Variants in ECM2 observed in about 807,000 individuals in gnomAD.
The protein encoded by ECM2 is extracellular matrix protein 2.
A neutral mutation model predicts 67.5 loss-of-function variants in ECM2; 57 were observed. The observed-to-expected ratio is 0.84, with a 90% CI of 0.68 to 1.05. ECM2 has a LOEUF of 1.05. Ranked by LOEUF, ECM2 falls within the 50% of genes least tolerant of loss-of-function variation. ECM2 has a pLI of 0.00. For missense variants in ECM2, 741 were observed against 822.8 expected, an observed-to-expected ratio of 0.90 and a Z score of 1.22; for synonymous variants, 258 against 294.5, an observed-to-expected ratio of 0.88 and a Z score of 1.27.
chr9:92,505,511 C>T, intron 7 of ECM2, 22 bp downstream of exon 7: 1 of 1,561,046 alleles, frequency 6.4e-7, no homozygotes, highest in East Asian at 2.3e-5. Flanking sequence ...ACATTTAAAA[C>T]ACTAAAAAAA....
At chr9:92,546,487 C>T in the ECM2 span, among the ~76,000 whole-genome samples, 1 of 152,298 alleles carries the variant, frequency 6.6e-6, no homozygotes, top group South Asian at 2.1e-4. Flanking sequence ...CACGAACCCA[C>T]TGGGAGAAAA....
chr9:92,517,422 A>G, intron 3 of ECM2: 1 of 588,858 alleles, frequency 1.7e-6, no homozygotes, highest in Non-Finnish European at 3.0e-6. Context: ...CCATATCTCT[A>G]AAGCTGAGAG....
At chr9:92,526,070 G>A (rs4744137) in intron 1 of ECM2, among the ~76,000 whole-genome samples, 57,627 of 151,850 alleles carry the variant, frequency 0.38, 13,653 homozygotes, top group African/African-American at 0.67. Context: ...AGCCTGAGGT[G>A]GTTCCTTCAG....
At chr9:92,533,438 G>A (rs564853260) in intron 1 of ECM2, among the ~76,000 whole-genome samples, 3 of 139,862 alleles carry the variant, frequency 2.1e-5, no homozygotes, top group Non-Finnish European at 4.5e-5. Flanking sequence ...GTTTCTCTCT[G>A]TCCTCCTGAG....
At chr9:92,549,654 A>C in the ECM2 span, among the ~76,000 whole-genome samples, 5,005 of 143,306 alleles carry the variant, frequency 0.035, 140 homozygotes, top group Non-Finnish European at 0.042. Context: ...CTCAAAAAAA[A>C]AAAACAAAAC....
the ECM2 span, among the ~76,000 whole-genome samples, chr9:92,546,385 G>C: frequency 1.3e-5 from 2 of 152,116 alleles, no homozygotes; most frequent in Admixed American, 6.6e-5. Context: ...AATAAATCTT[G>C]CTGCTGCTCA....
intron 1 of ECM2, among the ~76,000 whole-genome samples, chr9:92,525,119 A>G (rs1479181432): frequency 6.6e-6 from 1 of 152,068 alleles, no homozygotes; most frequent in Admixed American, 6.5e-5. Context: ...GGAGTTTAAG[A>G]CCAGAGTAAG....
At chr9:92,557,285 A>G in the ECM2 span, among the ~76,000 whole-genome samples, 1 of 152,178 alleles carries the variant, frequency 6.6e-6, no homozygotes, top group Non-Finnish European at 1.5e-5. Flanking sequence ...GGATAACCTG[A>G]TGACAGTGTG....
Position 92,512,019 on chromosome 9 carries a change from CT to C in ECM2, c.1161del (p.Ala388HisfsTer5). ...TCAGAGCATGTATTTACCTTGAATG[CT>C]TTTGGACCTATGCCTGAAGAAGTGA... ...NNITSSGIGPKAFKLLKKLMR... is the reference protein window; with the variant it reads ...NNITSSGIGPXAFKLLKKLMR... On this transcript the variant is annotated frameshift_variant, in exon 5 of 10. Coordinates refer to ENST00000344604, the MANE Select transcript of ECM2 (RefSeq NM_001393.4). LOFTEE classifies it high-confidence loss of function. 3 of 1,610,536 alleles carry C rather than the reference CT, an allele frequency of 1.9e-6. No individual in the cohort carries two copies. The South Asian group carries it at 3.3e-5, about 18-fold the overall frequency.
chr9:92,521,428 A>G (rs1164084175), intron 2 of ECM2, among the ~76,000 whole-genome samples: 1 of 152,138 alleles, frequency 6.6e-6, no homozygotes, highest in Non-Finnish European at 1.5e-5. Context: ...ATCATGTTGT[A>G]AGTGTGGCCT....
Position 92,512,052 on chromosome 9 carries a change from T to A in ECM2, c.1129A>T (p.Asn377Tyr). 2 of 1,613,674 alleles carry A rather than the reference T, an allele frequency of 1.2e-6. No individual in the cohort carries two copies. The highest frequency in any genetic ancestry group is 1.7e-6 in the Non-Finnish European group (2 of 1,179,762). The change falls in exon 5 of 10, where the codon AAT (asparagine) becomes TAT (tyrosine). Residue 377 changes from asparagine to tyrosine, a missense_variant. Transcript: ENST00000344604. ...PNLERLDLSK[N>Y]NITSSGIGPK... Reference sequence around the variant, plus strand: ...CCTATGCCTGAAGAAGTGATATTATTTTTACTCAGATCAAGCCTTTCCAAA... The same window carrying A: ...CCTATGCCTGAAGAAGTGATATTATATTTACTCAGATCAAGCCTTTCCAAA...
the ECM2 span, among the ~76,000 whole-genome samples, chr9:92,557,780 C>G: frequency 3.3e-5 from 5 of 152,070 alleles, no homozygotes; most frequent in African/African-American, 1.2e-4. Context: ...GTAGCTGGGA[C>G]TACAAGTATG....
downstream of ECM2, chr9:92,494,190 T>A (rs762861984): frequency 6.3e-7 from 1 of 1,583,488 alleles, no homozygotes; most frequent in Non-Finnish European, 8.6e-7. Flanking sequence ...ATGAATCGTT[T>A]AGTATCTGTC....
At chr9:92,552,080 C>CATATATGTGTTATGATAGATCTATCAT in the ECM2 span, among the ~76,000 whole-genome samples, 14 of 74,700 alleles carry the variant, frequency 1.9e-4, 1 homozygote, top group Middle Eastern at 8.5e-3. Flanking sequence ...ATAGATCTAT[C>CATATATGTGTTATGATAGATCTATCAT]ATATATGTGA....
the ECM2 span, among the ~76,000 whole-genome samples, chr9:92,550,120 G>A: frequency 2.0e-5 from 3 of 152,078 alleles, no homozygotes; most frequent in Admixed American, 6.5e-5. Context: ...TCATTGGGCC[G>A]GGCGTGGTGG....
chr9:92,535,118 C>G (rs775151466), intron 1 of ECM2, among the ~76,000 whole-genome samples: 1 of 130,028 alleles, frequency 7.7e-6, no homozygotes. Context: ...AATTGACTCA[C>G]TTTTACTTAC....
the ECM2 span, among the ~76,000 whole-genome samples, chr9:92,550,463 G>C: frequency 6.6e-6 from 1 of 151,946 alleles, no homozygotes; most frequent in Admixed American, 6.6e-5. Context: ...ATAATCTAAT[G>C]AAATAGTTCA....
At chr9:92,524,927 G>T (rs2131254801) in intron 1 of ECM2, among the ~76,000 whole-genome samples, 1 of 152,290 alleles carries the variant, frequency 6.6e-6, no homozygotes, top group Non-Finnish European at 1.5e-5. Flanking sequence ...ATACAGAGAT[G>T]AATACCCTAA....
At chr9:92,500,192 CT>C (rs368245554) in intron 9 of ECM2, among the ~76,000 whole-genome samples, 2 of 151,836 alleles carry the variant, frequency 1.3e-5, no homozygotes, top group Admixed American at 6.6e-5. Flanking sequence ...ATCTGTTAAT[CT>C]TTTTTTTGAG....
Sources: gnomAD v4.1 joint callset for allele counts (sites outside exome capture counted in the v4.1 genomes callset) on GRCh38, gnomAD v4.1.1 for gene constraint, MANE v1.5 for transcripts, NCBI Gene and HGNC (gene_info 2026-07-23, HGNC 2026-07-21) for gene names.